Variants in PRKAR1A observed in about 807,000 individuals in gnomAD.
The protein encoded by PRKAR1A is cAMP-dependent protein kinase type I-alpha regulatory subunit.
In PRKAR1A, 3 loss-of-function variants were observed where a neutral mutation model predicts 52.0. That is an observed-to-expected ratio of 0.06 (90% CI 0.03 to 0.15). The LOEUF (loss-of-function observed/expected upper bound fraction) is 0.15. PRKAR1A is among the 10% of genes least tolerant of loss of function. PRKAR1A has a pLI of 1.00. For synonymous variants in PRKAR1A, 188 were observed against 168.4 expected (o/e 1.12, Z -0.90); for missense variants, 240 against 477.4 (o/e 0.50, Z 4.63).
the PRKAR1A span, among the ~76,000 whole-genome samples, chr17:68,438,703 C>G: frequency 6.6e-6 from 1 of 152,202 alleles, no homozygotes; most frequent in East Asian, 1.9e-4. Flanking sequence ...TTGGTTCAAG[C>G]GATTCTCCTG....
At chr17:68,549,109 A>T (rs1447757583) in intron 11 of PRKAR1A, among the ~76,000 whole-genome samples, 2 of 152,200 alleles carry the variant, frequency 1.3e-5, no homozygotes, top group Non-Finnish European at 2.9e-5. Flanking sequence ...CTGCAAAGGA[A>T]ATGCTACAGG....
At chr17:68,414,027 T>A in the PRKAR1A span, 1 of 155,546 alleles carries the variant, frequency 6.4e-6, no homozygotes, top group South Asian at 2.0e-4. Flanking sequence ...CACTCCCTAG[T>A]GAGATGAACC....
At chr17:68,478,848 C>T in the PRKAR1A span, among the ~76,000 whole-genome samples, 1 of 152,088 alleles carries the variant, frequency 6.6e-6, no homozygotes, top group African/African-American at 2.4e-5. Context: ...CTGCCTCAGC[C>T]TCCCGAGTAG....
chr17:68,458,475 T>TG, the PRKAR1A span, among the ~76,000 whole-genome samples: 2 of 151,806 alleles, frequency 1.3e-5, no homozygotes, highest in Admixed American at 1.3e-4. Context: ...AGCTGGAAGG[T>TG]GGGGGGAAGC....
intron 1 of PRKAR1A, chr17:68,513,372 A>C (rs182036866): frequency 6.6e-6 from 1 of 152,420 alleles, no homozygotes; most frequent in African/African-American, 2.4e-5. Context: ...GAGGAAAGCA[A>C]ACACTTACTC....
chr17:68,519,985 C>A (rs1449194206), intron 2 of PRKAR1A, among the ~76,000 whole-genome samples: 1 of 152,224 alleles, frequency 6.6e-6, no homozygotes, highest in Non-Finnish European at 1.5e-5. Flanking sequence ...GAGCAACATA[C>A]AACCCCCAAA....
rs2085948998 is a variant in PRKAR1A at position 68,530,611 on chromosome 17, G to A, written c.*162G>A. The A allele has an allele frequency of 1.6e-5, 24 of 1,532,748 alleles. No homozygotes were observed. The South Asian group carries it at 2.8e-4, about 18-fold the overall frequency. The allele number at this position is 1,532,748 out of a possible 1,614,324, so 94.9% of individuals were successfully genotyped here. On this transcript the variant is annotated 3_prime_UTR_variant, in exon 11 of 11. Coordinates refer to ENST00000589228, the MANE Select transcript of PRKAR1A (RefSeq NM_002734.5). The stretch of plus-strand genomic sequence containing the variant: ...GCTTTTATTGCACCATTTTCAATTT[G>A]GAGCATTAACTAAATGCTCATACAC...
chr17:68,425,389 T>C, the PRKAR1A span, among the ~76,000 whole-genome samples: 1 of 150,520 alleles, frequency 6.6e-6, no homozygotes, highest in African/African-American at 2.4e-5. Context: ...TTTCTTTTTT[T>C]TTTTTTTTTT....
the PRKAR1A span, among the ~76,000 whole-genome samples, chr17:68,455,751 G>C: frequency 6.6e-6 from 1 of 152,194 alleles, no homozygotes; most frequent in African/African-American, 2.4e-5. Context: ...TCTGTAGAAA[G>C]CTGGGACTTT....
At chr17:68,523,603 C>T in intron 3 of PRKAR1A, 122 bp from the exon 4 acceptor site, 1 of 754,382 alleles carries the variant, frequency 1.3e-6, no homozygotes, top group Non-Finnish European at 2.3e-6. Context: ...TGTAGTGAAA[C>T]ACTACAAAGC....
At position 68,541,985 on chromosome 17, in the gene PRKAR1A, T is replaced by G. The variant is rs997385193; in HGVS notation, c.974-9099T>G. 4.3e-6 allele frequency: 7 copies of G among 1,612,840 alleles called. No individual in the cohort carries two copies. The African/African-American group carries it at 9.3e-5, about 22-fold the overall frequency. ...CTGTGTGGCCTGGGGACCAACTCAC[T>G]CCTCTTTTCCTGCCAGTGTGTAGGA... On this transcript the variant is annotated intron_variant, in intron 11 of 11. Coordinates refer to the PRKAR1A transcript ENST00000585981.
At chr17:68,534,561 T>C (rs1600504823), downstream of PRKAR1A, among the ~76,000 whole-genome samples, 2 of 11,038 alleles carry the variant, frequency 1.8e-4, no homozygotes, top group Non-Finnish European at 2.9e-4. Flanking sequence ...TTTTAGTGCC[T>C]TTTTTTTTTT....
the PRKAR1A span, among the ~76,000 whole-genome samples, chr17:68,487,923 GA>G: frequency 2.0e-5 from 3 of 150,494 alleles, no homozygotes; most frequent in Non-Finnish European, 3.0e-5. Context: ...CAATAATAAT[GA>G]AAAAAAACTC....
chr17:68,515,765 A>G (rs2143156814), intron 2 of PRKAR1A, 189 bp downstream of exon 2: 1 of 723,552 alleles, frequency 1.4e-6, no homozygotes, highest in Non-Finnish European at 2.2e-6. Flanking sequence ...AGTAGAATTT[A>G]TCAGAAAAAT....
rs369293774 is a variant in PRKAR1A at position 68,539,970 on chromosome 17, TGAA to T, written c.973+9971_973+9973del. 4.7e-5 allele frequency: 76 copies of T among 1,613,896 alleles called. No individual in the cohort carries two copies. In the African/African-American group the frequency reaches 8.4e-4, roughly 18 times the overall value. ...TAATGGTGCCGGTCCATATTCCCTG[TGAA>T]GGAGGGGAGGACTTAGCTGGAACCA... On this transcript the variant is annotated intron_variant, in intron 11 of 11. Coordinates refer to the PRKAR1A transcript ENST00000585981.
chr17:68,530,197 T>C, intron 10 of PRKAR1A, 80 bp from the exon 11 acceptor site: 1 of 1,553,450 alleles, frequency 6.4e-7, no homozygotes, highest in Non-Finnish European at 8.9e-7. Context: ...ATATCTATTG[T>C]CTTCTTTCTC....
At chr17:68,433,964 G>A in the PRKAR1A span, among the ~76,000 whole-genome samples, 1 of 151,828 alleles carries the variant, frequency 6.6e-6, no homozygotes, top group Non-Finnish European at 1.5e-5. Context: ...TGTATTTTTA[G>A]TAGAGACGGT....
downstream of PRKAR1A, among the ~76,000 whole-genome samples, chr17:68,534,139 A>T (rs1174327011): frequency 1.3e-5 from 2 of 152,234 alleles, no homozygotes; most frequent in Non-Finnish European, 2.9e-5. Context: ...TGTTATGTAC[A>T]TGTACCGCTA....
the PRKAR1A span, chr17:68,426,254 G>GGGCCCCCCC: frequency 2.4e-6 from 2 of 816,856 alleles, no homozygotes; most frequent in Non-Finnish European, 1.9e-6. Context: ...GGGAGCGGGG[G>GGGCCCCCCC]CTCAAATAAA....
Sources: allele counts gnomAD v4.1 joint callset (sites outside exome capture counted in the v4.1 genomes callset), GRCh38; gene constraint gnomAD v4.1.1; transcripts MANE v1.5; gene names NCBI Gene and HGNC (gene_info 2026-07-23, HGNC 2026-07-21).